GALNT10: variants seen among roughly 807,000 people sequenced by gnomAD.
GALNT10 encodes the protein polypeptide N-acetylgalactosaminyltransferase 10, also known as GalNAc transferase 10.
GALNT10 carries 41 observed loss-of-function variants against 75.0 expected under a neutral mutation model. That is an observed-to-expected ratio of 0.55 (90% CI 0.43 to 0.71). GALNT10 has a LOEUF of 0.71. GALNT10 is among the 30% of genes least tolerant of loss of function. GALNT10 has a pLI of 0.00. For synonymous variants in GALNT10, 302 were observed against 313.0 expected (o/e 0.96, Z 0.37); for missense variants, 727 against 818.5 (o/e 0.89, Z 1.36).
chr5:154,263,115 T>C (rs544395495), intron 1 of GALNT10, among the ~76,000 whole-genome samples: 1 of 152,226 alleles, frequency 6.6e-6, no homozygotes, highest in East Asian at 1.9e-4. Context: ...AAACACACAG[T>C]GACCATATGA....
chr5:154,407,048 T>C (rs1756296323), intron 8 of GALNT10, among the ~76,000 whole-genome samples: 1 of 152,224 alleles, frequency 6.6e-6, no homozygotes, highest in Non-Finnish European at 1.5e-5. Flanking sequence ...CAGTCTTACA[T>C]TGTTTACTAA....
chr5:154,406,572 G>A (rs780575080), intron 8 of GALNT10, among the ~76,000 whole-genome samples: 18 of 152,188 alleles, frequency 1.2e-4, no homozygotes, highest in East Asian at 3.9e-4. Context: ...CAAGGCGGGC[G>A]GATCACCTGA....
At chr5:154,267,530 C>T (rs1413939069) in intron 1 of GALNT10, among the ~76,000 whole-genome samples, 1 of 152,192 alleles carries the variant, frequency 6.6e-6, no homozygotes, top group Non-Finnish European at 1.5e-5. Flanking sequence ...TCCCTGTCTG[C>T]CCTAGGGCCC....
In GALNT10 at chr5:154,343,936, C is replaced by T. The variant is rs1002628896; in HGVS notation, c.568+14198C>T. Among the ~76,000 whole-genome samples, 9 of 152,282 alleles carry T rather than the reference C, an allele frequency of 5.9e-5. No homozygotes were observed. The South Asian group carries it at 8.3e-4, about 14-fold the overall frequency. ...CTTTAGTTCAGAATACTCACTGGCT[C>T]GGGTTTGCTGCCAGTGTCCTTTGAG... On this transcript the variant is annotated intron_variant, in intron 4 of 11. Coordinates refer to ENST00000297107, the MANE Select transcript of GALNT10 (RefSeq NM_198321.4).
chr5:154,369,014 C>G (rs2113164134), intron 4 of GALNT10, among the ~76,000 whole-genome samples: 1 of 152,298 alleles, frequency 6.6e-6, no homozygotes, highest in East Asian at 1.9e-4. Context: ...AACAGATTCA[C>G]ACAAAACTTC....
chr5:154,209,951 A>T (rs1274509031), intron 1 of GALNT10, among the ~76,000 whole-genome samples: 1 of 152,132 alleles, frequency 6.6e-6, no homozygotes, highest in African/African-American at 2.4e-5. Flanking sequence ...ATAAATCAAG[A>T]CTATAAATAG....
chr5:154,309,860 A>G (rs1016601012), intron 3 of GALNT10, among the ~76,000 whole-genome samples: 4 of 152,188 alleles, frequency 2.6e-5, no homozygotes, highest in Non-Finnish European at 5.9e-5. Flanking sequence ...TGAAAAATGG[A>G]AATAGTGACA....
At chr5:154,366,906 TGG>T (rs1415166245) in intron 4 of GALNT10, among the ~76,000 whole-genome samples, 5 of 152,166 alleles carry the variant, frequency 3.3e-5, no homozygotes, top group Non-Finnish European at 7.4e-5. Flanking sequence ...GTACTAGCCT[TGG>T]GTCAGGGGCC....
intron 1 of GALNT10, among the ~76,000 whole-genome samples, chr5:154,287,733 T>A (rs962481446): frequency 6.6e-6 from 1 of 152,178 alleles, no homozygotes; most frequent in Non-Finnish European, 1.5e-5. Context: ...TTTGGATGAA[T>A]GAATTAATAA....
intron 1 of GALNT10, among the ~76,000 whole-genome samples, chr5:154,288,787 G>C (rs958654134): frequency 2.0e-5 from 3 of 152,170 alleles, no homozygotes; most frequent in African/African-American, 7.2e-5. Context: ...ATCCAGACGT[G>C]ATCTTTTACA....
At chr5:154,410,626 C>T (rs913925502) in intron 9 of GALNT10, among the ~76,000 whole-genome samples, 2 of 152,174 alleles carry the variant, frequency 1.3e-5, no homozygotes, top group Admixed American at 6.5e-5. Context: ...GGGGCAGTAA[C>T]GCAAGTAAGA....
At chr5:154,195,913 G>GTATTGT (rs1774931082) in intron 1 of GALNT10, among the ~76,000 whole-genome samples, 1 of 151,908 alleles carries the variant, frequency 6.6e-6, no homozygotes, top group African/African-American at 2.4e-5. Context: ...ATTTTATAGT[G>GTATTGT]TTTTGTTTTT....
intron 7 of GALNT10, chr5:154,386,781 C>T (rs548011467): frequency 3.8e-4 from 188 of 489,654 alleles, no homozygotes; most frequent in Admixed American, 5.3e-4. Context: ...GCCAGAGAAG[C>T]TAGGAAGGCC....
At chr5:154,233,327 T>G (rs919180876) in intron 1 of GALNT10, among the ~76,000 whole-genome samples, 2 of 152,170 alleles carry the variant, frequency 1.3e-5, no homozygotes, top group Non-Finnish European at 2.9e-5. Flanking sequence ...GCTTGTCCTT[T>G]GAGTGCGGCA....
At chr5:154,209,572 C>A (rs1030003415) in intron 1 of GALNT10, among the ~76,000 whole-genome samples, 5 of 152,188 alleles carry the variant, frequency 3.3e-5, no homozygotes, top group Admixed American at 3.3e-4. Flanking sequence ...GGAGGGCTCT[C>A]TTCCTGGTTT....
intron 1 of GALNT10, among the ~76,000 whole-genome samples, chr5:154,259,734 C>T (rs1268709158): frequency 6.6e-6 from 1 of 152,126 alleles, no homozygotes; most frequent in Non-Finnish European, 1.5e-5. Context: ...TTGGTTTTGG[C>T]TTTTGGTTGT....
At chr5:154,203,960 A>G (rs1252756443) in intron 1 of GALNT10, among the ~76,000 whole-genome samples, 1 of 152,206 alleles carries the variant, frequency 6.6e-6, no homozygotes, top group East Asian at 1.9e-4. Context: ...CATAGACACT[A>G]CTTAAACCAA....
intron 4 of GALNT10, among the ~76,000 whole-genome samples, chr5:154,341,938 C>A (rs1561666202): frequency 6.6e-6 from 1 of 152,174 alleles, no homozygotes; most frequent in Non-Finnish European, 1.5e-5. Flanking sequence ...CCAGTACATT[C>A]TCTTCTTATG....
chr5:154,400,401 G>T (rs541475626), intron 7 of GALNT10, among the ~76,000 whole-genome samples: 1 of 152,244 alleles, frequency 6.6e-6, no homozygotes, highest in African/African-American at 2.4e-5. Flanking sequence ...GAGAAAGTGT[G>T]TGGCCATCAC....
Sources: gnomAD v4.1 joint callset for allele counts (sites outside exome capture counted in the v4.1 genomes callset) on GRCh38, gnomAD v4.1.1 for gene constraint, MANE v1.5 for transcripts, NCBI Gene and HGNC (gene_info 2026-07-23, HGNC 2026-07-21) for gene names.